Variants in CHRNB4 observed in about 807,000 individuals in gnomAD.
CHRNB4 encodes neuronal acetylcholine receptor subunit beta-4.
A neutral mutation model predicts 40.4 loss-of-function variants in CHRNB4; 23 were observed. The observed-to-expected ratio is 0.57, with a 90% CI of 0.41 to 0.81. The LOEUF (loss-of-function observed/expected upper bound fraction) is 0.81, where lower values mean the gene tolerates loss of function less well. CHRNB4 is among the 30% of genes least tolerant of loss of function. CHRNB4 has a pLI of 0.00. For missense variants in CHRNB4, 568 were observed against 670.6 expected, an observed-to-expected ratio of 0.85 and a Z score of 1.69; for synonymous variants, 285 against 274.4, an observed-to-expected ratio of 1.04 and a Z score of -0.38.
intron 5 of CHRNB4, among the ~76,000 whole-genome samples, chr15:78,655,329 GCCTC>G (rs1021587129): frequency 2.1e-4 from 32 of 150,646 alleles, no homozygotes; most frequent in African/African-American, 7.8e-4. Context: ...CCACCTCCCA[GCCTC>G]CCTATCCTAG....
chr15:78,631,319 T>C lies in CHRNB4; in HGVS notation c.218A>G (p.Gln73Arg), dbSNP rs2053805696. ...CAGCCAGACATTGGTGGTCATGATCTGCTCTCGCTCATTCTGGGGAGGGAA... is the reference window on the plus strand; with the variant it reads ...CAGCCAGACATTGGTGGTCATGATCCGCTCTCGCTCATTCTGGGGAGGGAA... Reference protein sequence around the residue: ...AQLISVNEREQIMTTNVWLKQ... With the variant: ...AQLISVNERERIMTTNVWLKQ... Residue 73 changes from glutamine to arginine, a missense_variant, in exon 3 of 6, where the codon CAG (glutamine) becomes CGG (arginine). Physicochemically the swap from Gln to Arg is conservative, Grantham distance 43. This residue lies in a region of CHRNB4 where 161 missense variants were observed against 148.1 expected (regional missense o/e 1.09). Coordinates refer to ENST00000261751, the MANE Select transcript of CHRNB4 (RefSeq NM_000750.5). The C allele has an allele frequency of 6.2e-7, 1 of 1,614,012 alleles. No individual in the cohort carries two copies. The highest frequency in any genetic ancestry group is 8.5e-7 in the Non-Finnish European group (1 of 1,180,006).
intron 5 of CHRNB4, chr15:78,655,452 A>G (rs1485729214): frequency 6.8e-6 from 1 of 146,154 alleles, no homozygotes; most frequent in African/African-American, 2.5e-5. Context: ...CTATATCTAT[A>G]TATATCTATA....
intron 1 of CHRNB4, among the ~76,000 whole-genome samples, chr15:78,659,946 C>T (rs1244911814): frequency 6.6e-6 from 1 of 152,106 alleles, no homozygotes; most frequent in Non-Finnish European, 1.5e-5. Flanking sequence ...GTGGCTCATG[C>T]CTGTAATCCC....
chr15:78,625,051 C>CT lies in CHRNB4; in HGVS notation c.*81dup. 6.2e-7 allele frequency: 1 copy of CT among 1,608,166 alleles called. No individual in the cohort carries two copies. The highest frequency in any genetic ancestry group is 8.5e-7 in the Non-Finnish European group (1 of 1,179,864). On this transcript the variant is annotated 3_prime_UTR_variant, in exon 6 of 6. Coordinates refer to ENST00000261751, the MANE Select transcript of CHRNB4 (RefSeq NM_000750.5). ...CAATGCTCACATATTTACTTAGGGC[C>CT]TCATCAGCCACAACCCAGAAAGAAG... is the stretch of plus-strand genomic sequence containing the variant.
At chr15:78,661,082 G>C (rs2054248909), upstream of CHRNB4, 1 of 601,960 alleles carries the variant, frequency 1.7e-6, no homozygotes, top group Admixed American at 1.9e-5. Context: ...CCTCTGGCGC[G>C]CTTGAACTTC....
chr15:78,631,283 C>T lies in CHRNB4; in HGVS notation c.249+5G>A, dbSNP rs1161324094. 1.2e-6 allele frequency: 2 copies of T among 1,614,036 alleles called. No individual in the cohort carries two copies. Among genetic ancestry groups the T allele is most frequent in the African/African-American group, 1.3e-5 (1 of 74,936 alleles). ...CTGGGGCTCAGGGCCCTTCAGGGCA[C>T]TTACCTGTTTCAGCCAGACATTGGT... is the stretch of plus-strand genomic sequence containing the variant. On this transcript the variant is annotated splice_donor_5th_base_variant and intron_variant, in intron 3 of 5. Transcript: ENST00000261751.
chr15:78,638,183 A>G (rs2053994689), intron 1 of CHRNB4, among the ~76,000 whole-genome samples: 1 of 152,186 alleles, frequency 6.6e-6, no homozygotes. Context: ...TCCCAAGCGC[A>G]GGGCTGCTCT....
intron 7 of CHRNB4, among the ~76,000 whole-genome samples, chr15:78,647,717 G>A (rs565841381): frequency 3.0e-4 from 45 of 147,832 alleles, no homozygotes; most frequent in Admixed American, 8.1e-4. Context: ...AAAATTAGCC[G>A]GGCGTGGTGG....
At chr15:78,656,978 A>G (rs954302633) in intron 3 of CHRNB4, among the ~76,000 whole-genome samples, 2 of 151,596 alleles carry the variant, frequency 1.3e-5, no homozygotes, top group African/African-American at 4.9e-5. Flanking sequence ...AAGCCCTTAA[A>G]CTCAGCTTCT....
intron 5 of CHRNB4, among the ~76,000 whole-genome samples, chr15:78,655,213 AT>A (rs912409201): frequency 8.0e-4 from 117 of 145,874 alleles, no homozygotes; most frequent in Admixed American, 8.9e-4. Context: ...ACAGTACATA[AT>A]TTTTTTTTTT....
intron 5 of CHRNB4, among the ~76,000 whole-genome samples, chr15:78,654,592 C>A (rs2054197401): frequency 6.6e-6 from 1 of 152,184 alleles, no homozygotes; most frequent in South Asian, 2.1e-4. Context: ...AGAGTATCTT[C>A]CGTGTACGTG....
At chr15:78,628,528 G>A (rs566040381) in intron 5 of CHRNB4, among the ~76,000 whole-genome samples, 46 of 152,286 alleles carry the variant, frequency 3.0e-4, no homozygotes, top group African/African-American at 9.6e-4. Context: ...GGGAATGGGG[G>A]CTGGTGGGTA....
At chr15:78,648,069 G>A (rs561413080) in intron 7 of CHRNB4, among the ~76,000 whole-genome samples, 3 of 151,884 alleles carry the variant, frequency 2.0e-5, no homozygotes, top group Middle Eastern at 3.4e-3. Context: ...GCGAGCCCTC[G>A]TGGATGAGAT....
At chr15:78,632,980 C>T (rs972555868) in intron 2 of CHRNB4, among the ~76,000 whole-genome samples, 2 of 152,176 alleles carry the variant, frequency 1.3e-5, no homozygotes, top group African/African-American at 4.8e-5. Flanking sequence ...AGATTAATTC[C>T]TTGGCTTCCT....
Position 78,647,733 on chromosome 15 carries a change from A to G in CHRNB4, c.46+1646T>C, listed in dbSNP as rs530393744. Among the ~76,000 whole-genome samples the G allele has an allele frequency of 2.6e-3, 389 of 149,968 alleles. 1 individual carries two copies. The highest frequency in any genetic ancestry group is 5.1e-3 in the South Asian group (24 of 4,718). ...AAATTAGCCGGGCGTGGTGGCAGGCACCTGTAGTCCCAGCTACTTGGGAGG... is the reference window on the plus strand; with the variant it reads ...AAATTAGCCGGGCGTGGTGGCAGGCGCCTGTAGTCCCAGCTACTTGGGAGG... On this transcript the variant is annotated intron_variant and NMD_transcript_variant, in intron 7 of 11. Coordinates refer to the CHRNB4 transcript ENST00000559849.
At chr15:78,656,975 T>C (rs2054219085) in intron 3 of CHRNB4, among the ~76,000 whole-genome samples, 1 of 152,198 alleles carries the variant, frequency 6.6e-6, no homozygotes. Context: ...CATAAGCCCT[T>C]AAACTCAGCT....
chr15:78,639,774 C>T (rs1285685231), intron 1 of CHRNB4, among the ~76,000 whole-genome samples: 1 of 152,086 alleles, frequency 6.6e-6, no homozygotes, highest in Non-Finnish European at 1.5e-5. Flanking sequence ...ACAGGCTGCC[C>T]CAGGACCACA....
At chr15:78,655,298 C>G (rs1034638487) in intron 5 of CHRNB4, among the ~76,000 whole-genome samples, 5 of 151,684 alleles carry the variant, frequency 3.3e-5, no homozygotes, top group Admixed American at 1.3e-4. Context: ...GCCTCAACCC[C>G]CAGGCTCAAG....
chr15:78,653,897 A>G (rs182249003), intron 5 of CHRNB4, among the ~76,000 whole-genome samples: 1 of 152,110 alleles, frequency 6.6e-6, no homozygotes, highest in African/African-American at 2.4e-5. Flanking sequence ...TCTTAACTAC[A>G]TCTCAGCATC....
Sources: gnomAD v4.1 joint callset for allele counts (sites outside exome capture counted in the v4.1 genomes callset) on GRCh38, gnomAD v4.1.1 for gene constraint, gnomAD v4.1.1 regional missense constraint, MANE v1.5 for transcripts, NCBI Gene and HGNC (gene_info 2026-07-23, HGNC 2026-07-21) for gene names.